RPS6KA2: variants seen among roughly 807,000 people sequenced by gnomAD.
RPS6KA2 encodes the protein ribosomal protein S6 kinase alpha-2.
RPS6KA2 carries 42 observed loss-of-function variants against 91.8 expected under a neutral mutation model. The ratio of observed to expected loss-of-function variants is 0.46; its 90% CI spans 0.36 to 0.59. The LOEUF is 0.59. Among genes scored for constraint, RPS6KA2 ranks in the 20% least tolerant of loss-of-function variants. RPS6KA2 has a pLI of 0.00. For missense variants in RPS6KA2, 798 were observed against 978.5 expected (o/e 0.82, Z 2.46); for synonymous variants, 414 against 393.6 (o/e 1.05, Z -0.61).
intron 15 of RPS6KA2, among the ~76,000 whole-genome samples, 161 bp downstream of exon 15, chr6:166,432,240 C>A (rs1779158542): frequency 1.3e-5 from 2 of 152,200 alleles, no homozygotes; most frequent in African/African-American, 4.8e-5. Context: ...CTTGAGTACA[C>A]AGTCCAGCAA....
chr6:166,602,666 G>A (rs936228535), intron 1 of RPS6KA2, among the ~76,000 whole-genome samples: 1 of 152,200 alleles, frequency 6.6e-6, no homozygotes, highest in African/African-American at 2.4e-5. Flanking sequence ...ACAGTGTTTA[G>A]GATACACACA....
In RPS6KA2 at chr6:166,495,480, C is replaced by T. The variant is rs1381001685; in HGVS notation, c.747+3028G>A. On this transcript the variant is annotated intron_variant, in intron 8 of 20. Coordinates refer to ENST00000265678, the MANE Select transcript of RPS6KA2 (RefSeq NM_021135.6). This position sits in a 1 kb window ranked among gnomAD's most constrained non-coding sequence, Gnocchi z 4.4. The stretch of plus-strand genomic sequence containing the variant: ...GGGCAGCGCTGGGCCAGGCCTCCTT[C>T]AGAAGCTCTCAATATCATCTTCTTC... 1.3e-5 allele frequency among the ~76,000 whole-genome samples: 2 copies of T among 152,184 alleles called. No homozygotes were observed.
intron 2 of RPS6KA2, among the ~76,000 whole-genome samples, chr6:166,773,739 T>C (rs1171900078): frequency 2.6e-5 from 4 of 152,204 alleles, no homozygotes; most frequent in African/African-American, 4.8e-5. Context: ...GTCCATCCTG[T>C]TACATACCTG....
intron 1 of RPS6KA2, among the ~76,000 whole-genome samples, chr6:166,573,748 C>T (rs1002367379): frequency 3.3e-5 from 5 of 152,196 alleles, no homozygotes; most frequent in African/African-American, 1.2e-4. Context: ...AGCCTCGAGT[C>T]CATTGGCTGC....
At chr6:166,780,892 A>T (rs1243204865) in intron 2 of RPS6KA2, among the ~76,000 whole-genome samples, 1 of 152,194 alleles carries the variant, frequency 6.6e-6, no homozygotes, top group Non-Finnish European at 1.5e-5. Context: ...AGGCTGAGCA[A>T]CCAACACTCC....
rs201449681 is a variant in RPS6KA2, at chr6:166,813,352, TA to T, written c.123+44847del. Among the ~76,000 whole-genome samples the T allele has an allele frequency of 3.1e-4, 47 of 152,272 alleles. 1 individual carries two copies. In the East Asian group the frequency reaches 9.1e-3, roughly 29 times the overall value. On this transcript the variant is annotated intron_variant, in intron 2 of 21. Transcript: ENST00000503859. ...AGCTCCCTGGAAGCAGCCAAACCTA[TA>T]AAGGATTGGTTACAACTGTAGATTT...
rs942928483 is a variant in RPS6KA2 at position 166,437,021 on chromosome 6, G to GA, written c.1333-4532dup. On this transcript the variant is annotated intron_variant, in intron 14 of 20. Transcript: ENST00000265678. This position sits in a 1 kb window ranked among gnomAD's most constrained non-coding sequence, Gnocchi z 4.3. ...GCTGCTTTTCCCTGTAACTTTTTCT[G>GA]AAAAAAAAATTTTTTTTTTTTGCTT... Among the ~76,000 whole-genome samples the GA allele has an allele frequency of 2.7e-4, 40 of 150,258 alleles. No homozygotes were observed. In the South Asian group the frequency reaches 4.2e-3, roughly 16 times the overall value.
intron 1 of RPS6KA2, among the ~76,000 whole-genome samples, chr6:166,621,648 T>C (rs939143766): frequency 1.3e-5 from 2 of 152,220 alleles, no homozygotes; most frequent in African/African-American, 4.8e-5. Context: ...AGACCAGCTC[T>C]GCTTATTTAA....
At chr6:166,480,272 T>C (rs1344711696) in intron 10 of RPS6KA2, among the ~76,000 whole-genome samples, 3 of 151,824 alleles carry the variant, frequency 2.0e-5, no homozygotes, top group Non-Finnish European at 4.4e-5. Context: ...TAGACCTCCA[T>C]GAAGACAGTA....
chr6:166,623,160 C>A (rs1490395795), intron 1 of RPS6KA2, among the ~76,000 whole-genome samples: 1 of 152,214 alleles, frequency 6.6e-6, no homozygotes, highest in African/African-American at 2.4e-5. Context: ...CAAAGAGAAC[C>A]CTCTGGCTTT....
intron 1 of RPS6KA2, among the ~76,000 whole-genome samples, chr6:166,618,494 G>A (rs1219745120): frequency 6.6e-6 from 1 of 152,196 alleles, no homozygotes; most frequent in African/African-American, 2.4e-5. Context: ...GAAGATCACT[G>A]GGGTAGAGAG....
At chr6:166,776,874 G>A (rs1778635941) in intron 2 of RPS6KA2, among the ~76,000 whole-genome samples, 1 of 152,216 alleles carries the variant, frequency 6.6e-6, no homozygotes, top group African/African-American at 2.4e-5. Context: ...CTATAAACAA[G>A]TGTGTGCGTA....
rs902481024 is a variant in RPS6KA2 at position 166,459,908 on chromosome 6, C to G, written c.973-357G>C. Among the ~76,000 whole-genome samples, 3 of 152,312 alleles carry G rather than the reference C, an allele frequency of 2.0e-5. No individual in the cohort carries two copies. In the South Asian group the frequency reaches 6.2e-4, roughly 32 times the overall value. On this transcript the variant is annotated intron_variant, in intron 11 of 20. Transcript: ENST00000265678. This position sits in a 1 kb window ranked among gnomAD's most constrained non-coding sequence, Gnocchi z 4.9. ...ATCTTCTTTTCCAAGTAAAATCATA[C>G]AGGACAGCCACCACTTGCCCCCACT...
At chr6:166,840,966 G>GA (rs1040366507) in intron 2 of RPS6KA2, among the ~76,000 whole-genome samples, 6 of 148,922 alleles carry the variant, frequency 4.0e-5, no homozygotes, top group South Asian at 2.1e-4. Context: ...TTTGTCTAAA[G>GA]AAAAAAAAAG....
chr6:166,774,482 T>C (rs905896846), intron 2 of RPS6KA2, among the ~76,000 whole-genome samples: 3 of 152,162 alleles, frequency 2.0e-5, no homozygotes, highest in Non-Finnish European at 4.4e-5. Flanking sequence ...GAGAATGCTG[T>C]GACTGTCCCT....
At chr6:166,675,472 A>G (rs1288913972) in intron 2 of RPS6KA2, among the ~76,000 whole-genome samples, 1 of 152,204 alleles carries the variant, frequency 6.6e-6, no homozygotes, top group Non-Finnish European at 1.5e-5. Context: ...CCAATCCCAC[A>G]AGAGCAGAGA....
rs1790708504 is a variant in RPS6KA2, at chr6:166,737,738, T to A, written c.123+120462A>T. On this transcript the variant is annotated intron_variant, in intron 2 of 21. Coordinates refer to the RPS6KA2 transcript ENST00000503859. This position sits in a 1 kb window ranked among gnomAD's most constrained non-coding sequence, Gnocchi z 4.3. Reference sequence around the variant, plus strand: ...TGCTATAAAGGACTCTGGTGACGGTTCTGAACTTGACAAATGCCGTACCCA... The same window carrying A: ...TGCTATAAAGGACTCTGGTGACGGTACTGAACTTGACAAATGCCGTACCCA... 6.6e-6 allele frequency among the ~76,000 whole-genome samples: 1 copy of A among 152,188 alleles called. No individual in the cohort carries two copies. Among genetic ancestry groups the A allele is most frequent in the African/African-American group, 2.4e-5 (1 of 41,444 alleles).
intron 12 of RPS6KA2, among the ~76,000 whole-genome samples, chr6:166,453,754 GC>G (rs2128457448): frequency 6.6e-6 from 1 of 152,334 alleles, no homozygotes; most frequent in South Asian, 2.1e-4. Context: ...GCACTTGGAA[GC>G]TTACTGCAGC....
rs139022924 is a variant in RPS6KA2, at chr6:166,541,898, C to T, written c.100-3114G>A. ...CCAGCTTTCTTCCCTAATAATATTG[C>T]GATAGAGTTCACTTCTCATTTCAAA... is the stretch of plus-strand genomic sequence containing the variant. On this transcript the variant is annotated intron_variant, in intron 1 of 20. Transcript: ENST00000265678. Among the ~76,000 whole-genome samples the T allele has an allele frequency of 5.9e-5, 9 of 152,186 alleles. No homozygotes were observed. In the East Asian group the frequency reaches 1.4e-3, roughly 23 times the overall value.
Sources: gnomAD v4.1 joint callset for allele counts (sites outside exome capture counted in the v4.1 genomes callset) on GRCh38, gnomAD v4.1.1 for gene constraint, Gnocchi (gnomAD v3.1) non-coding constraint, MANE v1.5 for transcripts, NCBI Gene and HGNC (gene_info 2026-07-23, HGNC 2026-07-21) for gene names.